The following SCAPER variants were observed in gnomAD, a reference collection of about 807,000 sequenced individuals.
SCAPER encodes S-phase cyclin A associated protein in the ER, also known as S phase cyclin A-associated protein in the endoplasmic reticulum.
A neutral mutation model predicts 182.2 loss-of-function variants in SCAPER; 98 were observed. The ratio of observed to expected loss-of-function variants is 0.54; its 90% CI spans 0.46 to 0.64. SCAPER has a LOEUF of 0.64. Among genes scored for constraint, SCAPER ranks in the 30% least tolerant of loss-of-function variants. The probability of loss-of-function intolerance (pLI) is 0.00; values close to 1 mark genes in which losing one functional copy is unlikely to be tolerated. For synonymous variants in SCAPER, 605 were observed against 564.6 expected (o/e 1.07, Z -1.01); for missense variants, 1,432 against 1,690.0 (o/e 0.85, Z 2.68).
chr15:76,757,562 G>A (rs1399768936), intron 14 of SCAPER, among the ~76,000 whole-genome samples: 1 of 152,054 alleles, frequency 6.6e-6, no homozygotes, highest in Admixed American at 6.6e-5. Context: ...TAATGTTACA[G>A]TGAACATGGG....
chr15:76,608,682 G>A (rs994360640), intron 22 of SCAPER, among the ~76,000 whole-genome samples: 3 of 152,142 alleles, frequency 2.0e-5, no homozygotes, highest in African/African-American at 4.8e-5. Flanking sequence ...CGAGATTCCC[G>A]GCCGCTTTGT....
At chr15:76,606,031 A>T (rs886846541) in intron 22 of SCAPER, among the ~76,000 whole-genome samples, 5 of 151,882 alleles carry the variant, frequency 3.3e-5, no homozygotes, top group Admixed American at 6.6e-5. Flanking sequence ...TCAGTTCTGC[A>T]ATGATCTTAG....
chr15:76,904,143 G>A (rs2074943711), intron 1 of SCAPER, among the ~76,000 whole-genome samples: 1 of 152,002 alleles, frequency 6.6e-6, no homozygotes, highest in Non-Finnish European at 1.5e-5. Context: ...CACCAGTATA[G>A]GCCAGAGTGG....
chr15:76,795,478 T>C, intron 7 of SCAPER, 38 bp from the exon 8 acceptor site: 1 of 1,398,746 alleles, frequency 7.1e-7, no homozygotes, highest in South Asian at 1.7e-5. Context: ...AAATTAAATA[T>C]AAAAGAAAAA....
rs1310413416 is a variant in SCAPER at position 76,764,935 on chromosome 15, T to C, written c.1725+26A>G. ...TAAGCCCAGCAACTTCAGACTATCA[T>C]AATTTCCTAAAAAATAAAAACTCAC... On this transcript the variant is annotated intron_variant, in intron 14 of 31. Transcript: ENST00000563290. The C allele has an allele frequency of 9.2e-6, 13 of 1,419,000 alleles. No homozygotes were observed. In the Admixed American group the frequency reaches 1.3e-4, roughly 14 times the overall value. 87.9% of individuals were successfully genotyped at this position (1,419,000 alleles called of 1,614,324 possible).
chr15:76,483,816 T>C (rs1335484511), intron 24 of SCAPER, among the ~76,000 whole-genome samples: 2 of 152,188 alleles, frequency 1.3e-5, no homozygotes, highest in Non-Finnish European at 2.9e-5. Context: ...CCTATTAGGA[T>C]GGCTAAAATC....
chr15:76,540,866 T>C (rs1029396301), intron 23 of SCAPER, among the ~76,000 whole-genome samples: 2 of 152,142 alleles, frequency 1.3e-5, no homozygotes, highest in Non-Finnish European at 1.5e-5. Flanking sequence ...CTCACACCTG[T>C]AATCCCAGGA....
intron 25 of SCAPER, among the ~76,000 whole-genome samples, chr15:76,457,990 A>T (rs1292376333): frequency 6.6e-6 from 1 of 152,080 alleles, no homozygotes; most frequent in Non-Finnish European, 1.5e-5. Flanking sequence ...ATATATATTT[A>T]ATATGAAAAT....
At chr15:76,862,285 A>T (rs994758514) in intron 3 of SCAPER, 131 bp downstream of exon 3, 10 of 545,052 alleles carry the variant, frequency 1.8e-5, no homozygotes, top group Non-Finnish European at 3.2e-5. Flanking sequence ...AGCAACAAAA[A>T]AGTATTTCTT....
chr15:76,877,055 G>A (rs2073221800), intron 2 of SCAPER, among the ~76,000 whole-genome samples: 1 of 151,978 alleles, frequency 6.6e-6, no homozygotes, highest in Non-Finnish European at 1.5e-5. Flanking sequence ...GGGAAACATA[G>A]GGAGACCCCC....
intron 17 of SCAPER, among the ~76,000 whole-genome samples, chr15:76,717,203 G>A (rs280007): frequency 6.8e-6 from 1 of 147,506 alleles, no homozygotes; most frequent in East Asian, 2.0e-4. Flanking sequence ...CTATCCTTCA[G>A]AAATGAAGGA....
In SCAPER at chr15:76,692,426, T is replaced by G. The variant is rs867487715; in HGVS notation, c.2508+9332A>C. Among the ~76,000 whole-genome samples, 9 of 152,216 alleles carry G rather than the reference T, an allele frequency of 5.9e-5. No individual in the cohort carries two copies. The South Asian group carries it at 1.5e-3, about 25-fold the overall frequency. ...CATGAAGGCTGGGCGTGGTGGCTCT[T>G]GCCTGTAATCCCAGTACTTTGGGAG... On this transcript the variant is annotated intron_variant, in intron 20 of 31. Transcript: ENST00000563290.
chr15:76,855,916 C>G, intron 4 of SCAPER: 1 of 405,184 alleles, frequency 2.5e-6, no homozygotes, highest in South Asian at 1.9e-5. Flanking sequence ...AATCCCATTA[C>G]TGGGTATATT....
chr15:76,690,573 T>C (rs1598182037), intron 20 of SCAPER, among the ~76,000 whole-genome samples: 1 of 152,170 alleles, frequency 6.6e-6, no homozygotes, highest in African/African-American at 2.4e-5. Flanking sequence ...CATGGTAATA[T>C]AAGATATAAA....
At chr15:76,659,205 A>G (rs1357966361) in intron 21 of SCAPER, among the ~76,000 whole-genome samples, 1 of 152,192 alleles carries the variant, frequency 6.6e-6, no homozygotes, top group Non-Finnish European at 1.5e-5. Context: ...CAGAACCTAT[A>G]AGGAACTTAA....
intron 21 of SCAPER, among the ~76,000 whole-genome samples, chr15:76,648,214 G>C (rs2054716608): frequency 6.8e-6 from 1 of 147,800 alleles, no homozygotes; most frequent in Non-Finnish European, 1.5e-5. Flanking sequence ...GAAATATCGA[G>C]AAACTGAAAC....
At chr15:76,692,498 G>A (rs570566897) in intron 20 of SCAPER, among the ~76,000 whole-genome samples, 33 of 152,028 alleles carry the variant, frequency 2.2e-4, no homozygotes, top group Admixed American at 3.9e-4. Context: ...AGACCAGCCC[G>A]GCCAAAGTGG....
At chr15:76,854,971 C>CA (rs201939128) in intron 4 of SCAPER, among the ~76,000 whole-genome samples, 9,948 of 141,096 alleles carry the variant, frequency 0.071, 365 homozygotes, top group Middle Eastern at 0.11. Flanking sequence ...GACTCCGTCC[C>CA]AAAAAAAAAT....
At chr15:76,855,103 G>C (rs920476867) in intron 4 of SCAPER, among the ~76,000 whole-genome samples, 1 of 152,066 alleles carries the variant, frequency 6.6e-6, no homozygotes, top group East Asian at 1.9e-4. Context: ...TGGAACAGAA[G>C]AGAGAGCCCA....
Sources: gnomAD v4.1 joint callset for allele counts (sites outside exome capture counted in the v4.1 genomes callset) on GRCh38, gnomAD v4.1.1 for gene constraint, MANE v1.5 for transcripts, NCBI Gene and HGNC (gene_info 2026-07-23, HGNC 2026-07-21) for gene names.